The following DPP6 variants were observed in gnomAD, a reference collection of about 807,000 sequenced individuals.
DPP6 encodes the protein A-type potassium channel modulatory protein DPP6.
Under a neutral mutation model 122.6 loss-of-function variants are expected in DPP6, and 69 were observed. The observed-to-expected ratio is 0.56, with a 90% CI of 0.46 to 0.69. The LOEUF (loss-of-function observed/expected upper bound fraction) is 0.69. Ranked by LOEUF, DPP6 falls within the 30% of genes least tolerant of loss-of-function variation. The probability of loss-of-function intolerance (pLI) is 0.00; values close to 1 mark genes in which losing one functional copy is unlikely to be tolerated. For missense variants in DPP6, 928 were observed against 1,116.9 expected (o/e 0.83, Z 2.41); for synonymous variants, 418 against 433.1 (o/e 0.97, Z 0.43).
chr7:153,814,553 T>G, the DPP6 span, among the ~76,000 whole-genome samples: 2 of 152,114 alleles, frequency 1.3e-5, no homozygotes, highest in African/African-American at 2.4e-5. Context: ...GTACCATTCC[T>G]TCTGAAACTA....
At chr7:153,909,012 A>G (rs535595996) in intron 1 of DPP6, among the ~76,000 whole-genome samples, 9 of 152,334 alleles carry the variant, frequency 5.9e-5, no homozygotes, top group African/African-American at 1.9e-4. Flanking sequence ...TCAGCCTTCC[A>G]AAGTGCTGGG....
At chr7:153,752,282 G>A in the DPP6 span, among the ~76,000 whole-genome samples, 125 of 144,316 alleles carry the variant, frequency 8.7e-4, no homozygotes, top group African/African-American at 3.1e-3. Flanking sequence ...ACCGAGTCTC[G>A]CTCTGTTGCC....
Position 153,931,798 on chromosome 7 carries a change from C to G in DPP6, c.51+44064C>G, listed in dbSNP as rs373792293. Among the ~76,000 whole-genome samples, 3 of 152,272 alleles carry G rather than the reference C, an allele frequency of 2.0e-5. No homozygotes were observed. In the South Asian group the frequency reaches 6.2e-4, roughly 32 times the overall value. ...ATTTCAACAGCCTCTTAAAAGTGTC[C>G]ATAATAGATGTGGAAAATCAAAGTG... On this transcript the variant is annotated intron_variant, in intron 1 of 25. Transcript: ENST00000404039.
At chr7:154,644,656 C>T (rs956732046) in intron 6 of DPP6, among the ~76,000 whole-genome samples, 1 of 151,240 alleles carries the variant, frequency 6.6e-6, no homozygotes, top group Non-Finnish European at 1.5e-5. Context: ...TGTGTGTAAA[C>T]TGGGGAAGCA....
At chr7:154,705,684 G>A (rs1840790417) in intron 7 of DPP6, among the ~76,000 whole-genome samples, 1 of 152,250 alleles carries the variant, frequency 6.6e-6, no homozygotes, top group Non-Finnish European at 1.5e-5. Flanking sequence ...CTCCCAGACA[G>A]CCCCTGAGTC....
chr7:154,189,557 T>C (rs922972466), intron 1 of DPP6, among the ~76,000 whole-genome samples: 1 of 152,206 alleles, frequency 6.6e-6, no homozygotes, highest in Non-Finnish European at 1.5e-5. Context: ...GAAGTAGCTC[T>C]GTGTGATGTG....
At chr7:154,078,793 T>TA (rs1803760924) in intron 1 of DPP6, among the ~76,000 whole-genome samples, 1 of 152,144 alleles carries the variant, frequency 6.6e-6, no homozygotes, top group Non-Finnish European at 1.5e-5. Flanking sequence ...CACCTGGTTT[T>TA]AGACTTTAAT....
At chr7:154,103,370 A>T (rs374828702) in intron 1 of DPP6, among the ~76,000 whole-genome samples, 30 of 151,790 alleles carry the variant, frequency 2.0e-4, no homozygotes, top group Non-Finnish European at 3.4e-4. Flanking sequence ...ATGTTGGTGG[A>T]CCTCTAAGCA....
intron 1 of DPP6, among the ~76,000 whole-genome samples, chr7:153,939,709 C>G (rs17173841): frequency 0.11 from 16,167 of 152,264 alleles, 905 homozygotes; most frequent in Admixed American, 0.14. Context: ...TCAGGGAACT[C>G]CATGCTCTCA....
At position 154,108,582 on chromosome 7, in the gene DPP6, T is replaced by G. The variant is rs1201130705; in HGVS notation, c.243+55519T>G. Among the ~76,000 whole-genome samples, 962 of 152,174 alleles carry G rather than the reference T, an allele frequency of 6.3e-3. 18 individuals are homozygous for G. Among genetic ancestry groups the G allele is most frequent in the African/African-American group, 0.022 (932 of 41,496 alleles). On this transcript the variant is annotated intron_variant, in intron 1 of 25. Transcript: ENST00000377770. The stretch of plus-strand genomic sequence containing the variant: ...TCACCTGTGAGGTAATGCCACAAAC[T>G]TGTGAGCTGAACTTAATCAAGCTCT...
chr7:154,230,676 C>G (rs1800870674), intron 1 of DPP6, among the ~76,000 whole-genome samples: 1 of 152,232 alleles, frequency 6.6e-6, no homozygotes, highest in Admixed American at 6.5e-5. Context: ...CCATCTGTCA[C>G]TCATTCCTGG....
chr7:154,585,041 A>G (rs1383776549), intron 5 of DPP6, among the ~76,000 whole-genome samples: 2 of 152,162 alleles, frequency 1.3e-5, no homozygotes, highest in Non-Finnish European at 2.9e-5. Context: ...CATCACCCCA[A>G]AAAACTCCCC....
At position 154,522,403 on chromosome 7, in the gene DPP6, A is replaced by G. The variant is rs73483803; in HGVS notation, c.458-18129A>G. ...GAGGCCTGCGTGAGGCCCTTGAGCC[A>G]GAGGGAGCTCATTAACCAGCCAGCA... On this transcript the variant is annotated intron_variant, in intron 3 of 25. Transcript: ENST00000377770. Among the ~76,000 whole-genome samples, 617 of 152,298 alleles carry G rather than the reference A, an allele frequency of 4.1e-3. 2 individuals carry two copies. The highest frequency in any genetic ancestry group is 0.014 in the African/African-American group (577 of 41,576).
At chr7:154,401,217 C>CAA (rs377017340) in intron 1 of DPP6, among the ~76,000 whole-genome samples, 5 of 144,754 alleles carry the variant, frequency 3.5e-5, no homozygotes, top group East Asian at 2.0e-4. Context: ...AAAACAAAAA[C>CAA]AAAAAAAAAA....
chr7:153,907,947 G>T (rs192109468), intron 1 of DPP6, among the ~76,000 whole-genome samples: 1 of 151,996 alleles, frequency 6.6e-6, no homozygotes, highest in Non-Finnish European at 1.5e-5. Context: ...ATATCTGGAG[G>T]GCTTTTATGG....
intron 1 of DPP6, among the ~76,000 whole-genome samples, chr7:154,337,285 C>T (rs1033248908): frequency 6.6e-6 from 1 of 151,996 alleles, no homozygotes. Flanking sequence ...AGGGTGGTAC[C>T]CACACACATC....
intron 1 of DPP6, among the ~76,000 whole-genome samples, chr7:154,147,099 A>G (rs1267644834): frequency 4.6e-5 from 7 of 152,170 alleles, no homozygotes; most frequent in African/African-American, 1.7e-4. Context: ...CAGGGAATCC[A>G]CTAAAGGCCA....
At chr7:154,375,968 A>G (rs1355449988) in intron 1 of DPP6, among the ~76,000 whole-genome samples, 1 of 152,196 alleles carries the variant, frequency 6.6e-6, no homozygotes, top group Non-Finnish European at 1.5e-5. Context: ...GGGCCCAGCT[A>G]GGTCAGTGCC....
At chr7:154,011,767 C>A (rs1206610710) in intron 1 of DPP6, among the ~76,000 whole-genome samples, 1 of 152,118 alleles carries the variant, frequency 6.6e-6, no homozygotes, top group African/African-American at 2.4e-5. Context: ...CAAATGTATT[C>A]TTGAGATGAA....
Sources: allele counts gnomAD v4.1 joint callset (sites outside exome capture counted in the v4.1 genomes callset), GRCh38; gene constraint gnomAD v4.1.1; transcripts MANE v1.5; gene names NCBI Gene and HGNC (gene_info 2026-07-23, HGNC 2026-07-21).